PRKN: variants seen among roughly 807,000 people sequenced by gnomAD.
PRKN encodes the protein parkin RBR E3 ubiquitin protein ligase.
A neutral mutation model predicts 59.5 loss-of-function variants in PRKN; 56 were observed. The ratio of observed to expected loss-of-function variants is 0.94; its 90% confidence interval spans 0.76 to 1.18. The LOEUF is 1.18. PRKN is among the 50% of genes most tolerant of loss of function. The pLI is 0.00. For missense variants in PRKN, 657 were observed against 596.4 expected, an observed-to-expected ratio of 1.10 and a Z score of -1.06; for synonymous variants, 250 against 222.1, an observed-to-expected ratio of 1.13 and a Z score of -1.12.
chr6:161,770,846 C>T lies in PRKN; in HGVS notation c.871+14926G>A, dbSNP rs369181034. ...CAATCTGACTGGTGTCCTTAGAAGA[C>T]GAGGAGATGAGGACAGAGGCACAGA... On this transcript the variant is annotated intron_variant, in intron 7 of 11. Transcript: ENST00000366898. Among the ~76,000 whole-genome samples, 20 of 151,546 alleles carry T rather than the reference C, an allele frequency of 1.3e-4. No homozygotes were observed. In the East Asian group the frequency reaches 2.1e-3, roughly 16 times the overall value.
chr6:161,540,094 C>T (rs1167043754), intron 9 of PRKN, among the ~76,000 whole-genome samples: 34 of 152,090 alleles, frequency 2.2e-4, no homozygotes, highest in Admixed American at 2.1e-3. Context: ...CCAGGTCTGC[C>T]CCAGCTGGAC....
chr6:161,992,523 C>G (rs186668342), intron 5 of PRKN, among the ~76,000 whole-genome samples: 1 of 152,228 alleles, frequency 6.6e-6, no homozygotes, highest in African/African-American at 2.4e-5. Flanking sequence ...GGCTTCAATG[C>G]CCCTATTTCA....
At position 161,529,301 on chromosome 6, in the gene PRKN, G is replaced by A. The variant is rs1207313839; in HGVS notation, c.1083+19553C>T. On this transcript the variant is annotated intron_variant, in intron 9 of 11. Transcript: ENST00000366898. This position sits in a 1 kb window ranked among gnomAD's most constrained non-coding sequence, Gnocchi z 4.4. ...ATGTTGACACCTGGTTGTGGCTGAC[G>A]GCTGTGTCCCTCCAGCTGCCTCACC... Among the ~76,000 whole-genome samples, 2 of 152,160 alleles carry A rather than the reference G, an allele frequency of 1.3e-5. No individual in the cohort carries two copies. The highest frequency in any genetic ancestry group is 4.8e-5 in the African/African-American group (2 of 41,422).
chr6:161,596,079 G>A (rs1329804318), intron 7 of PRKN, among the ~76,000 whole-genome samples: 2 of 152,182 alleles, frequency 1.3e-5, no homozygotes, highest in Non-Finnish European at 2.9e-5. Flanking sequence ...GGGACTGCAA[G>A]GAGACTGACA....
At chr6:161,664,086 G>T (rs1313880224) in intron 7 of PRKN, among the ~76,000 whole-genome samples, 1 of 152,154 alleles carries the variant, frequency 6.6e-6, no homozygotes, top group Non-Finnish European at 1.5e-5. Flanking sequence ...TCACTCCCTG[G>T]GAGGCAAGCT....
chr6:162,001,569 C>A (rs865886599), intron 5 of PRKN, among the ~76,000 whole-genome samples: 2 of 151,970 alleles, frequency 1.3e-5, no homozygotes, highest in Middle Eastern at 6.8e-3. Context: ...TTTGTATTCT[C>A]CACATATATA....
Position 161,407,984 on chromosome 6 carries a change from C to T in PRKN, c.1084-21107G>A, listed in dbSNP as rs745363323. Among the ~76,000 whole-genome samples the T allele has an allele frequency of 3.9e-5, 6 of 152,048 alleles. No homozygotes were observed. Among genetic ancestry groups the T allele is most frequent in the Non-Finnish European group, 8.8e-5 (6 of 68,044 alleles). On this transcript the variant is annotated intron_variant, in intron 9 of 11. Transcript: ENST00000366898. This position sits in a 1 kb window ranked among gnomAD's most constrained non-coding sequence, Gnocchi z 4.9. Reference sequence around the variant, plus strand: ...CCTCTCCTATCTCCCTTCGCTGACTCTCTTTTTGGACTCAGCCCACTTGCA... The same window carrying T: ...CCTCTCCTATCTCCCTTCGCTGACTTTCTTTTTGGACTCAGCCCACTTGCA...
intron 4 of PRKN, among the ~76,000 whole-genome samples, chr6:162,076,229 A>G (rs1778822180): frequency 6.6e-6 from 1 of 152,104 alleles, no homozygotes; most frequent in African/African-American, 2.4e-5. Flanking sequence ...TTGGCCTCCC[A>G]AAGTGCTGGG....
At chr6:161,772,421 T>C (rs1789733639) in intron 7 of PRKN, among the ~76,000 whole-genome samples, 1 of 152,198 alleles carries the variant, frequency 6.6e-6, no homozygotes, top group Admixed American at 6.5e-5. Flanking sequence ...CTCTGGCTGC[T>C]GTAAGTCAGC....
intron 2 of PRKN, among the ~76,000 whole-genome samples, chr6:162,295,538 C>G (rs1179567458): frequency 6.6e-6 from 1 of 152,136 alleles, no homozygotes. Context: ...CTTATTCTGA[C>G]TTTAGATCTC....
chr6:161,941,847 TAA>T (rs1450822123), intron 6 of PRKN, among the ~76,000 whole-genome samples: 6 of 152,034 alleles, frequency 3.9e-5, no homozygotes, highest in African/African-American at 1.2e-4. Context: ...GAGACCATAA[TAA>T]AGAGATGGAT....
In PRKN at chr6:161,471,122, C is replaced by T. The variant is rs552649413; in HGVS notation, c.1083+77732G>A. The stretch of plus-strand genomic sequence containing the variant: ...GTGAACCCACACTTGTCTTCTTATC[C>T]CAGGTCCTGCAAATGTTAGGACTGG... On this transcript the variant is annotated intron_variant, in intron 9 of 11. Coordinates refer to ENST00000366898, the MANE Select transcript of PRKN (RefSeq NM_004562.3). The surrounding 1 kb of genome is among the most constrained non-coding windows in gnomAD (Gnocchi z 4.5). 6.6e-6 allele frequency among the ~76,000 whole-genome samples: 1 copy of T among 152,200 alleles called. No individual in the cohort carries two copies. The highest frequency in any genetic ancestry group is 1.9e-4 in the East Asian group (1 of 5,172).
chr6:161,959,328 T>C (rs1345431489), intron 6 of PRKN, among the ~76,000 whole-genome samples: 2 of 151,928 alleles, frequency 1.3e-5, no homozygotes, highest in Non-Finnish European at 2.9e-5. Flanking sequence ...ATCTAGCGGT[T>C]TTCCCTTTGC....
intron 4 of PRKN, among the ~76,000 whole-genome samples, chr6:162,164,976 G>C (rs981813460): frequency 6.0e-5 from 9 of 148,800 alleles, no homozygotes; most frequent in African/African-American, 5.1e-5. Context: ...CTAAACCTAA[G>C]TGGGTATTGC....
At chr6:162,243,507 ATT>A in intron 3 of PRKN, among the ~76,000 whole-genome samples, 1 of 152,270 alleles carries the variant, frequency 6.6e-6, no homozygotes, top group African/African-American at 2.4e-5. Flanking sequence ...AGTCATTGAA[ATT>A]TTATCTGTCA....
intron 3 of PRKN, among the ~76,000 whole-genome samples, chr6:162,236,159 C>G (rs560523619): frequency 6.6e-6 from 1 of 152,254 alleles, no homozygotes; most frequent in Admixed American, 6.5e-5. Flanking sequence ...TCTCAAAGCA[C>G]TAAACTGCAC....
chr6:162,124,507 GGAATCT>G (rs1379917079), intron 4 of PRKN, among the ~76,000 whole-genome samples: 1 of 152,078 alleles, frequency 6.6e-6, no homozygotes, highest in East Asian at 1.9e-4. Context: ...CCATTGAGCT[GGAATCT>G]GATTTGAAAT....
intron 1 of PRKN, chr6:162,568,975 A>G (rs1348213945): frequency 5.9e-6 from 4 of 675,928 alleles, no homozygotes; most frequent in Non-Finnish European, 1.1e-5. Context: ...GACGAGATCA[A>G]TTTCCTCAGG....
At chr6:162,278,467 T>A (rs1780732468) in intron 2 of PRKN, among the ~76,000 whole-genome samples, 1 of 152,058 alleles carries the variant, frequency 6.6e-6, no homozygotes, top group Admixed American at 6.6e-5. Flanking sequence ...TCAATTTAGG[T>A]TTATCAGCTG....
Sources: allele counts gnomAD v4.1 joint callset (sites outside exome capture counted in the v4.1 genomes callset), GRCh38; gene constraint gnomAD v4.1.1; non-coding constraint Gnocchi (gnomAD v3.1); transcripts MANE v1.5; gene names NCBI Gene and HGNC (gene_info 2026-07-23, HGNC 2026-07-21).